The following MLANA variants were observed in gnomAD, a reference collection of about 807,000 sequenced individuals.
The protein encoded by MLANA is melan-A.
In MLANA, 21 loss-of-function variants were observed where a neutral mutation model predicts 15.7. That is an observed-to-expected ratio of 1.33 (90% confidence interval 0.95 to 1.92). MLANA has a LOEUF of 1.92. MLANA is among the 40% of genes most tolerant of loss of function. The pLI is 0.00. For missense variants in MLANA, 164 were observed against 143.8 expected, an observed-to-expected ratio of 1.14 and a Z score of -0.72; for synonymous variants, 56 against 51.5, an observed-to-expected ratio of 1.09 and a Z score of -0.37.
rs1009763774 is a variant in MLANA at position 5,894,844 on chromosome 9, C to T, written c.77+2293C>T. ...TTTGCAGAGTCCAGTCCCAGCATCA[C>T]AGAGCAGAGCATAGAAAGGTAGGTT... is the stretch of plus-strand genomic sequence containing the variant. On this transcript the variant is annotated intron_variant, in intron 2 of 4. Coordinates refer to ENST00000381477, the MANE Select transcript of MLANA (RefSeq NM_005511.2). This position sits in a 1 kb window ranked among gnomAD's most constrained non-coding sequence, Gnocchi z 4.0. Among the ~76,000 whole-genome samples, 1 of 152,164 alleles carries T rather than the reference C, an allele frequency of 6.6e-6. No individual in the cohort carries two copies. Among genetic ancestry groups the T allele is most frequent in the African/African-American group, 2.4e-5 (1 of 41,444 alleles).
chr9:5,895,421 C>A (rs1219402041), intron 2 of MLANA, among the ~76,000 whole-genome samples: 2 of 151,556 alleles, frequency 1.3e-5, no homozygotes, highest in East Asian at 3.9e-4. Flanking sequence ...AAATCCAGAT[C>A]CTGCACAATG....
rs778225719 is a variant in MLANA, at chr9:5,908,719, G to C, written c.*11G>C. 1.2e-6 allele frequency: 2 copies of C among 1,607,166 alleles called. No individual in the cohort carries two copies. The highest frequency in any genetic ancestry group is 4.5e-5 in the East Asian group (2 of 44,838). On this transcript the variant is annotated 3_prime_UTR_variant, in exon 5 of 5. Coordinates refer to ENST00000381477, the MANE Select transcript of MLANA (RefSeq NM_005511.2). Reference sequence around the variant, plus strand: ...CCTTATTCACCTTAAGAGCCAGCGAGACACCTGAGACATGCTGAAATTATT... The same window carrying C: ...CCTTATTCACCTTAAGAGCCAGCGACACACCTGAGACATGCTGAAATTATT...
At chr9:5,903,520 T>A (rs1043608950) in intron 3 of MLANA, among the ~76,000 whole-genome samples, 1 of 152,226 alleles carries the variant, frequency 6.6e-6, no homozygotes, top group African/African-American at 2.4e-5. Flanking sequence ...GTTGGCCTCA[T>A]ACAATGAGTT....
At chr9:5,892,148 G>T (rs1203602979) in intron 1 of MLANA, among the ~76,000 whole-genome samples, 1 of 152,220 alleles carries the variant, frequency 6.6e-6, no homozygotes, top group Non-Finnish European at 1.5e-5. Context: ...TCAAATTGAA[G>T]GCAAATGAGG....
chr9:5,903,844 A>G (rs1297447878), intron 3 of MLANA, among the ~76,000 whole-genome samples: 1 of 151,858 alleles, frequency 6.6e-6, no homozygotes, highest in Non-Finnish European at 1.5e-5. Context: ...AGCATGGTAT[A>G]TCTTTTTCTA....
chr9:5,901,680 G>A (rs763517153), intron 3 of MLANA, among the ~76,000 whole-genome samples: 3 of 151,970 alleles, frequency 2.0e-5, no homozygotes, highest in Non-Finnish European at 4.4e-5. Flanking sequence ...CACCACGCCT[G>A]GCTAAATTTT....
Position 5,906,878 on chromosome 9 carries a change from A to T in MLANA, c.175-7A>T. 1 of 1,542,842 alleles carries T rather than the reference A, an allele frequency of 6.5e-7. No homozygotes were observed. The highest frequency in any genetic ancestry group is 8.7e-7 in the Non-Finnish European group (1 of 1,145,512). ...CACCCACTCACCTTTATCAATTTAC[A>T]TTTCAGGATAAAAGTCTTCATGTTG... On this transcript the variant is annotated splice_polypyrimidine_tract_variant and splice_region_variant and intron_variant, in intron 3 of 4. Coordinates refer to ENST00000381477, the MANE Select transcript of MLANA (RefSeq NM_005511.2).
In MLANA at chr9:5,907,024, A is replaced by G. The variant is rs755762208; in HGVS notation, c.288+26A>G. 13 of 1,399,728 alleles carry G rather than the reference A, an allele frequency of 9.3e-6. No individual in the cohort carries two copies. The East Asian group carries it at 2.4e-4, about 26-fold the overall frequency. 86.7% of individuals were successfully genotyped at this position (1,399,728 alleles called of 1,614,324 possible). Reference sequence around the variant, plus strand: ...GTAGGTTAAGATCCTTCATAAGGGTATTTTCATGAATGGCTGTTTTTAACT... The same window carrying G: ...GTAGGTTAAGATCCTTCATAAGGGTGTTTTCATGAATGGCTGTTTTTAACT... On this transcript the variant is annotated intron_variant, in intron 4 of 4. Coordinates refer to ENST00000381477, the MANE Select transcript of MLANA (RefSeq NM_005511.2).
At chr9:5,892,595 T>C in intron 2 of MLANA, 44 bp downstream of exon 2, 1 of 1,560,536 alleles carries the variant, frequency 6.4e-7, no homozygotes. Context: ...GTTTGCCGTT[T>C]GCTGACACAG....
intron 3 of MLANA, among the ~76,000 whole-genome samples, chr9:5,901,588 A>T (rs1832430870): frequency 6.6e-6 from 1 of 151,908 alleles, no homozygotes; most frequent in South Asian, 2.1e-4. Context: ...GCTCAATCTC[A>T]GCTTACTGTA....
At chr9:5,906,345 A>C (rs938629616) in intron 3 of MLANA, among the ~76,000 whole-genome samples, 19 of 150,126 alleles carry the variant, frequency 1.3e-4, no homozygotes, top group Non-Finnish European at 2.5e-4. Context: ...AAAAAAAAGA[A>C]AAGAAAAGAA....
At chr9:5,896,898 T>C (rs987016450) in intron 2 of MLANA, among the ~76,000 whole-genome samples, 4 of 152,134 alleles carry the variant, frequency 2.6e-5, no homozygotes, top group Admixed American at 1.3e-4. Flanking sequence ...CAGACACTTC[T>C]CCCTAGGGCT....
chr9:5,907,068 T>G (rs1329047838), intron 4 of MLANA, 70 bp downstream of exon 4: 1 of 1,066,986 alleles, frequency 9.4e-7, no homozygotes, highest in African/African-American at 1.6e-5. Flanking sequence ...TACAATTATT[T>G]CCATTTAAAA....
intron 1 of MLANA, among the ~76,000 whole-genome samples, 185 bp from the exon 2 acceptor site, chr9:5,892,265 G>A (rs1831703884): frequency 6.6e-6 from 1 of 152,150 alleles, no homozygotes; most frequent in Non-Finnish European, 1.5e-5. Context: ...TTAGAAACCT[G>A]AGCTATTGCT....
intron 1 of MLANA, among the ~76,000 whole-genome samples, chr9:5,892,015 CCAA>C (rs1831686257): frequency 6.6e-6 from 1 of 152,160 alleles, no homozygotes; most frequent in South Asian, 2.1e-4. Flanking sequence ...GGATTGATAT[CCAA>C]CAATAACTTT....
At chr9:5,900,761 G>C (rs1281634525) in intron 3 of MLANA, among the ~76,000 whole-genome samples, 1 of 152,190 alleles carries the variant, frequency 6.6e-6, no homozygotes, top group African/African-American at 2.4e-5. Flanking sequence ...GCTGCTTTTT[G>C]TAGCAACAGG....
chr9:5,907,934 CAA>C (rs1256819983), intron 4 of MLANA, among the ~76,000 whole-genome samples: 1 of 152,150 alleles, frequency 6.6e-6, no homozygotes, highest in East Asian at 1.9e-4. Context: ...GCCTGGGAGA[CAA>C]GAGCAAAACT....
chr9:5,893,078 A>G (rs891293462), intron 2 of MLANA, among the ~76,000 whole-genome samples: 2 of 152,246 alleles, frequency 1.3e-5, no homozygotes, highest in African/African-American at 2.4e-5. Context: ...TGAATTAAAA[A>G]TAAGTATTTA....
At chr9:5,906,853 C>A in intron 3 of MLANA, 32 bp from the exon 4 acceptor site, 1 of 1,371,304 alleles carries the variant, frequency 7.3e-7, no homozygotes, top group East Asian at 2.6e-5. Flanking sequence ...TACTTCTTCT[C>A]ACCCACTCAC....
Sources: allele counts gnomAD v4.1 joint callset (sites outside exome capture counted in the v4.1 genomes callset), GRCh38; gene constraint gnomAD v4.1.1; non-coding constraint Gnocchi (gnomAD v3.1); transcripts MANE v1.5; gene names NCBI Gene and HGNC (gene_info 2026-07-23, HGNC 2026-07-21).